The following PRIMA1 variants were observed in gnomAD, a reference collection of about 807,000 sequenced individuals.
The protein encoded by PRIMA1 is proline rich membrane anchor 1, also known as proline-rich membrane anchor 1.
In PRIMA1, 7 loss-of-function variants were observed where a neutral mutation model predicts 17.5. That is an observed-to-expected ratio of 0.40 (90% confidence interval 0.23 to 0.75). The LOEUF is 0.75. Ranked by LOEUF, PRIMA1 falls within the 30% of genes least tolerant of loss-of-function variation. The pLI, the probability that PRIMA1 is intolerant of heterozygous loss-of-function variation, is 0.37. For missense variants in PRIMA1, 200 were observed against 201.8 expected, an observed-to-expected ratio of 0.99 and a Z score of 0.05; for synonymous variants, 97 against 77.9, an observed-to-expected ratio of 1.25 and a Z score of -1.29.
At chr14:93,781,709 T>C (rs538130490) in intron 2 of PRIMA1, among the ~76,000 whole-genome samples, 2 of 152,258 alleles carry the variant, frequency 1.3e-5, no homozygotes, top group South Asian at 2.1e-4. Context: ...AACTGATAGT[T>C]CTCGCCTGTA....
chr14:93,779,416 G>GA, intron 2 of PRIMA1, 105 bp from the exon 3 acceptor site: 2 of 970,570 alleles, frequency 2.1e-6, no homozygotes, highest in South Asian at 3.4e-5. Flanking sequence ...TGGGACTTGG[G>GA]ATTCCTTTCC....
intron 2 of PRIMA1, 116 bp downstream of exon 2, chr14:93,787,510 C>T (rs1885556878): frequency 6.9e-7 from 1 of 1,445,054 alleles, no homozygotes; most frequent in Non-Finnish European, 9.4e-7. Flanking sequence ...TTCCCAAGCT[C>T]TTCCGAGAAC....
chr14:93,743,155 G>A (rs757558269), intron 3 of PRIMA1, among the ~76,000 whole-genome samples: 1 of 152,192 alleles, frequency 6.6e-6, no homozygotes, highest in Admixed American at 6.5e-5. Context: ...TGAGATGGAG[G>A]CTTTATCCAC....
At chr14:93,781,086 A>C (rs2141195383) in intron 2 of PRIMA1, among the ~76,000 whole-genome samples, 1 of 152,374 alleles carries the variant, frequency 6.6e-6, no homozygotes, top group East Asian at 1.9e-4. Context: ...GGCAGCGGGA[A>C]GTGAGCTGAT....
intron 2 of PRIMA1, among the ~76,000 whole-genome samples, chr14:93,780,274 C>A (rs1885342006): frequency 6.6e-6 from 1 of 152,220 alleles, no homozygotes; most frequent in Non-Finnish European, 1.5e-5. Flanking sequence ...CCAGGTTCCC[C>A]TCTAGGGGCA....
chr14:93,764,412 A>G (rs76813386), intron 3 of PRIMA1, among the ~76,000 whole-genome samples: 2,816 of 151,156 alleles, frequency 0.019, 93 homozygotes, highest in African/African-American at 0.064. Context: ...TTAGCCTGCA[A>G]TTCCTGCATG....
intron 3 of PRIMA1, among the ~76,000 whole-genome samples, chr14:93,748,087 C>T (rs1331554654): frequency 2.0e-5 from 3 of 150,462 alleles, no homozygotes; most frequent in African/African-American, 4.9e-5. Flanking sequence ...TGTGTGAGTG[C>T]GTATGAGTGT....
intron 3 of PRIMA1, among the ~76,000 whole-genome samples, chr14:93,770,697 T>G (rs1318825665): frequency 6.6e-6 from 1 of 152,172 alleles, no homozygotes; most frequent in East Asian, 1.9e-4. Flanking sequence ...TTTGCTTATT[T>G]CCTATACCAC....
chr14:93,725,499 G>T (rs1214174769), intron 4 of PRIMA1, among the ~76,000 whole-genome samples: 1 of 152,130 alleles, frequency 6.6e-6, no homozygotes, highest in African/African-American at 2.4e-5. Context: ...GCACTTCAGG[G>T]TGACGCTGCG....
Position 93,721,435 on chromosome 14 carries a change from C to T in PRIMA1, c.*9G>A. The stretch of plus-strand genomic sequence containing the variant: ...GTCCCTCTGGCCAGCGGGTCCAGGG[C>T]CTGCAGACTCACACCACTGCGTTGT... On this transcript the variant is annotated 3_prime_UTR_variant, in exon 5 of 5. Transcript: ENST00000393140. The T allele has an allele frequency of 1.9e-6, 3 of 1,590,802 alleles. No individual in the cohort carries two copies. Among genetic ancestry groups the T allele is most frequent in the Non-Finnish European group, 2.6e-6 (3 of 1,159,336 alleles).
intron 4 of PRIMA1, chr14:93,725,988 T>A (rs528923091): frequency 9.9e-5 from 45 of 456,486 alleles, no homozygotes; most frequent in African/African-American, 8.8e-4. Flanking sequence ...CACAGAGGGC[T>A]CCCTAGATGG....
chr14:93,778,201 G>GA (rs559137486), intron 3 of PRIMA1, among the ~76,000 whole-genome samples: 1 of 152,236 alleles, frequency 6.6e-6, no homozygotes, highest in Non-Finnish European at 1.5e-5. Context: ...GGCCCAAGAA[G>GA]ACGCATTTTA....
At chr14:93,768,596 C>A (rs1300862682) in intron 3 of PRIMA1, among the ~76,000 whole-genome samples, 1 of 152,132 alleles carries the variant, frequency 6.6e-6, no homozygotes, top group African/African-American at 2.4e-5. Context: ...TTGAATTCAC[C>A]TTTGTAGTTC....
At chr14:93,766,680 G>T (rs956004817) in intron 3 of PRIMA1, among the ~76,000 whole-genome samples, 18 of 152,094 alleles carry the variant, frequency 1.2e-4, no homozygotes, top group African/African-American at 4.3e-4. Context: ...AATTGCAGAC[G>T]CTCCTCAGCC....
chr14:93,754,784 G>A (rs1271282142), intron 3 of PRIMA1, among the ~76,000 whole-genome samples: 3 of 152,054 alleles, frequency 2.0e-5, no homozygotes, highest in Non-Finnish European at 4.4e-5. Flanking sequence ...CATGACAGCC[G>A]GCCATGCAGC....
chr14:93,731,103 C>T (rs561651355), intron 4 of PRIMA1, among the ~76,000 whole-genome samples: 144 of 148,842 alleles, frequency 9.7e-4, no homozygotes, highest in Non-Finnish European at 1.1e-3. Flanking sequence ...CAGCATAGTA[C>T]GCTATGTGGC....
At chr14:93,725,535 G>A (rs117806730) in intron 4 of PRIMA1, among the ~76,000 whole-genome samples, 4,035 of 152,232 alleles carry the variant, frequency 0.027, 76 homozygotes, top group South Asian at 0.056. Context: ...AGATGTCAAG[G>A]CTCAGTAAAC....
chr14:93,727,343 C>T (rs564958407), intron 4 of PRIMA1, among the ~76,000 whole-genome samples: 246 of 152,352 alleles, frequency 1.6e-3, no homozygotes, highest in Non-Finnish European at 1.4e-3. Flanking sequence ...TGCTCTGCAG[C>T]CTGGGATTTG....
rs534023487 is a variant in PRIMA1 at position 93,756,974 on chromosome 14, T to G, written c.230-19604A>C. On this transcript the variant is annotated intron_variant, in intron 3 of 4. Transcript: ENST00000393140. Reference sequence around the variant, plus strand: ...TAAAGTGAAGTGAGATCCTATTACATTCCCGCTCAGTGTCCTTCAAAGGCT... The same window carrying G: ...TAAAGTGAAGTGAGATCCTATTACAGTCCCGCTCAGTGTCCTTCAAAGGCT... Among the ~76,000 whole-genome samples, 3 of 152,310 alleles carry G rather than the reference T, an allele frequency of 2.0e-5. No individual in the cohort carries two copies. The South Asian group carries it at 6.2e-4, about 32-fold the overall frequency.
Sources: allele counts gnomAD v4.1 joint callset (sites outside exome capture counted in the v4.1 genomes callset), GRCh38; gene constraint gnomAD v4.1.1; transcripts MANE v1.5; gene names NCBI Gene and HGNC (gene_info 2026-07-23, HGNC 2026-07-21).